Variants in MKLN1 observed in about 807,000 individuals in gnomAD.
MKLN1 encodes the protein muskelin.
In MKLN1, 18 loss-of-function variants were observed where a neutral mutation model predicts 99.0. The ratio of observed to expected loss-of-function variants is 0.18; its 90% CI spans 0.13 to 0.27. The LOEUF is 0.27. MKLN1 is among the 10% of genes least tolerant of loss of function. MKLN1 has a pLI of 1.00. For missense variants in MKLN1, 621 were observed against 875.9 expected (o/e 0.71, Z 3.67); for synonymous variants, 288 against 293.2 (o/e 0.98, Z 0.18).
intron 3 of MKLN1, among the ~76,000 whole-genome samples, chr7:131,255,573 T>C (rs1343390545): frequency 6.6e-6 from 1 of 152,102 alleles, no homozygotes; most frequent in Non-Finnish European, 1.5e-5. Flanking sequence ...ATCTATCATC[T>C]ATCTATCTCT....
At chr7:131,123,958 T>C (rs911144807) in intron 1 of MKLN1, among the ~76,000 whole-genome samples, 3 of 152,204 alleles carry the variant, frequency 2.0e-5, no homozygotes, top group Non-Finnish European at 4.4e-5. Context: ...TATCAATGTA[T>C]AAATGCAGTC....
intron 12 of MKLN1, among the ~76,000 whole-genome samples, chr7:131,459,869 T>C (rs1460926393): frequency 2.6e-5 from 4 of 152,132 alleles, no homozygotes; most frequent in Non-Finnish European, 5.9e-5. Context: ...CATTATTTCT[T>C]CTTTCCTTCT....
chr7:131,464,233 C>G, intron 13 of MKLN1, 61 bp from the exon 14 acceptor site: 1 of 980,776 alleles, frequency 1.0e-6, no homozygotes, highest in Non-Finnish European at 1.5e-6. Flanking sequence ...AATTTGCTTG[C>G]TACAGTTGTA....
At position 131,282,733 on chromosome 7, in the gene MKLN1, A is replaced by G. The variant is rs1047809268; in HGVS notation, c.-179+79759A>G. ...TAATAGAATATAACCATGGTTGGTT[A>G]TCATTTCTCAAACCTGGCGATCATC... On this transcript the variant is annotated intron_variant, in intron 3 of 7. Coordinates refer to the MKLN1 transcript ENST00000416992. Among the ~76,000 whole-genome samples the G allele has an allele frequency of 2.0e-5, 3 of 152,132 alleles. No homozygotes were observed. The South Asian group carries it at 6.2e-4, about 32-fold the overall frequency.
At chr7:131,205,322 T>A (rs917223598) in intron 3 of MKLN1, among the ~76,000 whole-genome samples, 5 of 152,174 alleles carry the variant, frequency 3.3e-5, no homozygotes, top group Non-Finnish European at 7.3e-5. Flanking sequence ...TGGGAAATAA[T>A]GTAATACATT....
At chr7:131,127,743 T>C (rs568197692) in intron 1 of MKLN1, among the ~76,000 whole-genome samples, 30 of 152,196 alleles carry the variant, frequency 2.0e-4, no homozygotes, top group Non-Finnish European at 3.8e-4. Context: ...AATTAAATGA[T>C]TGACTTAAAG....
At chr7:131,416,894 G>T (rs554488302) in intron 8 of MKLN1, among the ~76,000 whole-genome samples, 12 of 146,754 alleles carry the variant, frequency 8.2e-5, no homozygotes, top group African/African-American at 2.8e-4. Context: ...GAGTCAGAAG[G>T]ATTGCTTGAG....
In MKLN1 at chr7:131,399,432, T is replaced by C. The variant is rs1279677637; in HGVS notation, c.702T>C (p.Asn234=). ...ACEELIEKAV[N]DGLFNQYISQ... ...AAGAGTTGATTGAAAAGGCTGTAAA[T>C]GGTATGAAACTTAGATTGGTTATTA... The change falls in exon 6 of 18, where the codon AAT becomes AAC. Residue 234 remains asparagine, a splice_region_variant and synonymous_variant. Transcript: ENST00000352689. 8.7e-6 allele frequency: 14 copies of C among 1,613,286 alleles called. No homozygotes were observed. Among genetic ancestry groups the C allele is most frequent in the Non-Finnish European group, 1.2e-5 (14 of 1,179,458 alleles).
chr7:131,439,552 C>T (rs1338927176), intron 10 of MKLN1, among the ~76,000 whole-genome samples: 1 of 152,072 alleles, frequency 6.6e-6, no homozygotes, highest in Non-Finnish European at 1.5e-5. Flanking sequence ...ATTTGCTATT[C>T]TATTTCATAC....
At chr7:131,467,410 G>A (rs1008795789) in intron 15 of MKLN1, among the ~76,000 whole-genome samples, 6 of 152,190 alleles carry the variant, frequency 3.9e-5, no homozygotes, top group Non-Finnish European at 8.8e-5. Context: ...GTTATTGTTT[G>A]TACAGGTGAG....
intron 2 of MKLN1, among the ~76,000 whole-genome samples, chr7:131,174,605 A>G (rs1339667683): frequency 6.6e-6 from 1 of 152,188 alleles, no homozygotes; most frequent in Non-Finnish European, 1.5e-5. Context: ...ACATGTTGGG[A>G]GAAGGCAGGA....
At chr7:131,403,461 G>A (rs1293898904) in intron 6 of MKLN1, among the ~76,000 whole-genome samples, 4 of 152,064 alleles carry the variant, frequency 2.6e-5, no homozygotes, top group Admixed American at 2.6e-4. Context: ...ATCAGTCATG[G>A]GTTCACTTGT....
intron 1 of MKLN1, among the ~76,000 whole-genome samples, chr7:131,371,442 A>C (rs529924701): frequency 2.9e-4 from 44 of 152,226 alleles, no homozygotes; most frequent in South Asian, 1.9e-3. Flanking sequence ...ATCTCACTTA[A>C]TGTTGCGGAT....
Position 131,340,244 on chromosome 7 carries a change from A to G in MKLN1, c.98+12247A>G, listed in dbSNP as rs565854912. 1.5e-4 allele frequency among the ~76,000 whole-genome samples: 18 copies of G among 122,342 alleles called. No individual in the cohort carries two copies. The South Asian group carries it at 2.7e-3, about 18-fold the overall frequency. The allele number at this position is 122,342 out of a possible 152,430, so 80.3% of individuals were successfully genotyped here. A position where few individuals can be genotyped will look rare whatever the true frequency, so the allele number is the denominator to read the frequency against. On this transcript the variant is annotated intron_variant, in intron 1 of 17. Coordinates refer to ENST00000352689, the MANE Select transcript of MKLN1 (RefSeq NM_013255.5). ...AATGCTTTCATAGCAGTGTGTACCT[A>G]TCTATCATTTTTTACAGTTTGTAAT...
intron 1 of MKLN1, among the ~76,000 whole-genome samples, chr7:131,372,940 C>G (rs1332532516): frequency 6.6e-6 from 1 of 151,056 alleles, no homozygotes; most frequent in African/African-American, 2.4e-5. Flanking sequence ...TTTTCTTTTA[C>G]CTTTTTCCTG....
chr7:131,262,652 G>A (rs1002270896), intron 3 of MKLN1, among the ~76,000 whole-genome samples: 1 of 151,840 alleles, frequency 6.6e-6, no homozygotes, highest in South Asian at 2.1e-4. Context: ...CTGGGTTCAA[G>A]CGATTCTCCT....
intron 3 of MKLN1, among the ~76,000 whole-genome samples, chr7:131,250,419 G>T (rs1001151609): frequency 6.6e-6 from 1 of 152,162 alleles, no homozygotes; most frequent in Admixed American, 6.5e-5. Context: ...AGAGGAAGAG[G>T]CTCCTAACAC....
intron 17 of MKLN1, among the ~76,000 whole-genome samples, chr7:131,481,898 GAATT>G (rs992539505): frequency 6.7e-6 from 1 of 150,248 alleles, no homozygotes; most frequent in African/African-American, 2.4e-5. Flanking sequence ...CCCTTAGTGA[GAATT>G]AAATAAAAGT....
chr7:131,392,085 G>A (rs927219449), intron 4 of MKLN1, among the ~76,000 whole-genome samples: 36 of 152,302 alleles, frequency 2.4e-4, no homozygotes, highest in Admixed American at 4.6e-4. Flanking sequence ...TCAGAGGAAA[G>A]TAAACATAAA....
Sources: gnomAD v4.1 joint callset for allele counts (sites outside exome capture counted in the v4.1 genomes callset) on GRCh38, gnomAD v4.1.1 for gene constraint, MANE v1.5 for transcripts, NCBI Gene and HGNC (gene_info 2026-07-23, HGNC 2026-07-21) for gene names.